Variants in EYA2 observed in about 807,000 individuals in gnomAD.
EYA2 encodes protein phosphatase EYA2.
Under a neutral mutation model 69.2 loss-of-function variants are expected in EYA2, and 31 were observed. The observed-to-expected ratio is 0.45, with a 90% CI of 0.34 to 0.60. The LOEUF is 0.60. EYA2 is among the 20% of genes least tolerant of loss of function. The pLI is 0.02. For synonymous variants in EYA2, 257 were observed against 279.4 expected (o/e 0.92, Z 0.80); for missense variants, 622 against 701.2 (o/e 0.89, Z 1.28).
chr20:46,996,895 CAA>C (rs763434359), intron 2 of EYA2, among the ~76,000 whole-genome samples: 1 of 133,024 alleles, frequency 7.5e-6, no homozygotes, highest in Non-Finnish European at 1.6e-5. Context: ...AACTCGGTCT[CAA>C]AAAAAAAAAA....
At chr20:46,913,682 T>C (rs554836409) in intron 1 of EYA2, among the ~76,000 whole-genome samples, 2 of 152,036 alleles carry the variant, frequency 1.3e-5, no homozygotes, top group African/African-American at 4.8e-5. Flanking sequence ...GCCGATAGAA[T>C]TTGCTGAGGG....
At chr20:47,061,070 T>C (rs2030859133) in intron 5 of EYA2, among the ~76,000 whole-genome samples, 2 of 152,004 alleles carry the variant, frequency 1.3e-5, no homozygotes, top group Admixed American at 6.6e-5. Context: ...GTCAGGCTGG[T>C]CTCAAACTCC....
In EYA2 at chr20:47,069,920, A is replaced by T. The variant is rs1305293965; in HGVS notation, c.416-2265A>T. Among the ~76,000 whole-genome samples, 4 of 152,138 alleles carry T rather than the reference A, an allele frequency of 2.6e-5. No homozygotes were observed. In the East Asian group the frequency reaches 7.7e-4, roughly 29 times the overall value. On this transcript the variant is annotated intron_variant, in intron 5 of 15. Transcript: ENST00000327619. The stretch of plus-strand genomic sequence containing the variant: ...TCCTTAATCCACACTGTATACAAAG[A>T]TTAACTTAAATTGGATCATAGACCT...
chr20:47,009,091 C>G (rs1982902502), intron 4 of EYA2, among the ~76,000 whole-genome samples: 1 of 152,198 alleles, frequency 6.6e-6, no homozygotes, highest in South Asian at 2.1e-4. Flanking sequence ...TGACCCTGAT[C>G]TAGATGAAGG....
At chr20:46,971,032 T>TG in intron 1 of EYA2, among the ~76,000 whole-genome samples, 1 of 151,976 alleles carries the variant, frequency 6.6e-6, no homozygotes, top group Non-Finnish European at 1.5e-5. Context: ...GCTCATTAGA[T>TG]GAGTCTGAGT....
chr20:47,046,212 T>C (rs953699354), intron 5 of EYA2, among the ~76,000 whole-genome samples: 34 of 152,342 alleles, frequency 2.2e-4, no homozygotes, highest in African/African-American at 7.0e-4. Flanking sequence ...AAGGGGCTTC[T>C]TTTATAATCA....
At chr20:47,120,944 T>G (rs193236791) in intron 9 of EYA2, among the ~76,000 whole-genome samples, 9 of 152,344 alleles carry the variant, frequency 5.9e-5, no homozygotes, top group Admixed American at 2.6e-4. Flanking sequence ...CCCTCCTCAT[T>G]AGTTTCTTGA....
At chr20:47,090,343 G>A (rs1334367562) in intron 8 of EYA2, among the ~76,000 whole-genome samples, 10 of 151,096 alleles carry the variant, frequency 6.6e-5, no homozygotes, top group African/African-American at 9.7e-5. Flanking sequence ...AGGTTCAAGC[G>A]ATTCTCTTGC....
At chr20:47,068,998 A>C (rs2031214380) in intron 5 of EYA2, among the ~76,000 whole-genome samples, 1 of 152,164 alleles carries the variant, frequency 6.6e-6, no homozygotes, top group Non-Finnish European at 1.5e-5. Flanking sequence ...GATGCAAACC[A>C]TGCTCCAGGC....
chr20:46,946,591 A>C (rs1978471100), intron 1 of EYA2, among the ~76,000 whole-genome samples: 1 of 152,218 alleles, frequency 6.6e-6, no homozygotes, highest in Non-Finnish European at 1.5e-5. Flanking sequence ...GCGGTCAGCA[A>C]ACATTTTCTG....
At chr20:47,081,988 C>T (rs1472276140) in intron 7 of EYA2, among the ~76,000 whole-genome samples, 1 of 151,496 alleles carries the variant, frequency 6.6e-6, no homozygotes, top group East Asian at 2.0e-4. Flanking sequence ...TACAGGCGCC[C>T]ACTACCATGC....
intron 5 of EYA2, among the ~76,000 whole-genome samples, chr20:47,037,495 C>T (rs1169857341): frequency 6.6e-6 from 1 of 152,220 alleles, no homozygotes; most frequent in East Asian, 1.9e-4. Flanking sequence ...TTACCACAAA[C>T]TTCGTGGCTT....
intron 8 of EYA2, among the ~76,000 whole-genome samples, chr20:47,092,733 G>A (rs2032122938): frequency 6.6e-6 from 1 of 152,176 alleles, no homozygotes; most frequent in African/African-American, 2.4e-5. Flanking sequence ...TTCAGCATAA[G>A]TACCACTGGC....
rs2034525161 is a variant in EYA2 at position 47,180,903 on chromosome 20, C to T, written c.1402C>T (p.Pro468Ser). The stretch of plus-strand genomic sequence containing the variant: ...GCTATATGGCCTGGGGTCTGTGTTT[C>T]CTATTGAGAACATCTACAGTGCAAC... ...VLLYGLGSVF[P>S]IENIYSATKT... Residue 468 changes from proline to serine, a missense_variant, in exon 14 of 16, where the codon CCT becomes TCT. Around this residue, in one of 2 missense-constraint regions of EYA2, gnomAD observed 257 missense variants for 351.5 expected, o/e 0.73. Coordinates refer to ENST00000327619, the MANE Select transcript of EYA2 (RefSeq NM_005244.5). 1 of 1,614,096 alleles carries T rather than the reference C, an allele frequency of 6.2e-7. No individual in the cohort carries two copies. The highest frequency in any genetic ancestry group is 1.1e-5 in the South Asian group (1 of 91,094).
chr20:46,994,404 T>C (rs769304239), intron 2 of EYA2, among the ~76,000 whole-genome samples: 1 of 152,224 alleles, frequency 6.6e-6, no homozygotes, highest in Non-Finnish European at 1.5e-5. Flanking sequence ...AAAATTTTTC[T>C]TTTAAAATGC....
At chr20:46,936,323 T>A (rs1367054589) in intron 1 of EYA2, among the ~76,000 whole-genome samples, 1 of 152,082 alleles carries the variant, frequency 6.6e-6, no homozygotes, top group Non-Finnish European at 1.5e-5. Flanking sequence ...ATACAAAAAT[T>A]AGCTGGGTGT....
At chr20:46,983,214 GTTTTTT>G (rs1980955431) in intron 1 of EYA2, among the ~76,000 whole-genome samples, 1 of 152,008 alleles carries the variant, frequency 6.6e-6, no homozygotes, top group Non-Finnish European at 1.5e-5. Flanking sequence ...TTTTGTTTTT[GTTTTTT>G]GTCTTGGTTT....
At chr20:47,158,089 G>T (rs2033992388) in intron 10 of EYA2, among the ~76,000 whole-genome samples, 1 of 151,986 alleles carries the variant, frequency 6.6e-6, no homozygotes, top group African/African-American at 2.4e-5. Context: ...GATCCTGTCT[G>T]AGCTTTAGTT....
At chr20:47,182,304 C>T (rs1238536260) in intron 14 of EYA2, among the ~76,000 whole-genome samples, 2 of 151,570 alleles carry the variant, frequency 1.3e-5, no homozygotes, top group Admixed American at 6.6e-5. Flanking sequence ...CATGAACCAC[C>T]GCACCTGGCC....
Sources: allele counts gnomAD v4.1 joint callset (sites outside exome capture counted in the v4.1 genomes callset), GRCh38; gene constraint gnomAD v4.1.1; regional missense constraint gnomAD v4.1.1; transcripts MANE v1.5; gene names NCBI Gene and HGNC (gene_info 2026-07-23, HGNC 2026-07-21).